Variants in ZNF609 observed in about 807,000 individuals in gnomAD.
ZNF609 encodes zinc finger protein 609.
ZNF609 carries 11 observed loss-of-function variants against 109.5 expected under a neutral mutation model. The observed-to-expected ratio is 0.10, with a 90% confidence interval of 0.06 to 0.17. ZNF609 has a LOEUF of 0.17. Ranked by LOEUF, ZNF609 falls within the 10% of genes least tolerant of loss-of-function variation. The pLI, the probability that ZNF609 is intolerant of heterozygous loss-of-function variation, is 1.00. For synonymous variants in ZNF609, 646 were observed against 662.0 expected (o/e 0.98, Z 0.37); for missense variants, 1,559 against 1,772.4 (o/e 0.88, Z 2.16).
chr15:64,652,887 G>A (rs1896439287), intron 3 of ZNF609: 1 of 153,058 alleles, frequency 6.5e-6, no homozygotes, highest in Non-Finnish European at 1.5e-5. Flanking sequence ...TGCAAGTCTG[G>A]GGCTGGTCTG....
intron 1 of ZNF609, among the ~76,000 whole-genome samples, chr15:64,473,068 A>T (rs1436377744): frequency 6.6e-6 from 1 of 152,002 alleles, no homozygotes; most frequent in Non-Finnish European, 1.5e-5. Flanking sequence ...ATTTGTTTCT[A>T]CTTGGCATAT....
intron 3 of ZNF609, among the ~76,000 whole-genome samples, chr15:64,658,712 A>G (rs78465829): frequency 0.013 from 1,988 of 151,874 alleles, 33 homozygotes; most frequent in African/African-American, 0.046. Context: ...GAGGAGGATC[A>G]CTTGAGCTTT....
intron 2 of ZNF609, among the ~76,000 whole-genome samples, chr15:64,576,005 G>C (rs1422776890): frequency 6.6e-6 from 1 of 152,166 alleles, no homozygotes; most frequent in East Asian, 1.9e-4. Flanking sequence ...GGGAGGCTGA[G>C]GCAGGAGAAT....
intron 1 of ZNF609, among the ~76,000 whole-genome samples, chr15:64,485,871 A>G (rs1028011344): frequency 2.0e-5 from 3 of 152,210 alleles, no homozygotes; most frequent in Non-Finnish European, 4.4e-5. Context: ...ACATCTTGCT[A>G]AAGTACAATA....
intron 1 of ZNF609, chr15:64,470,488 A>T (rs762428142): frequency 6.6e-6 from 1 of 152,080 alleles, no homozygotes; most frequent in Non-Finnish European, 1.5e-5. Context: ...GAACTTTCAG[A>T]TTGAGAGTAA....
intron 3 of ZNF609, among the ~76,000 whole-genome samples, chr15:64,665,948 T>C (rs1205190813): frequency 6.8e-6 from 1 of 146,202 alleles, no homozygotes; most frequent in Non-Finnish European, 1.5e-5. Context: ...AAAAAATAAA[T>C]AAACAAATGC....
At chr15:64,539,876 A>C (rs1402496193) in intron 2 of ZNF609, among the ~76,000 whole-genome samples, 2 of 151,172 alleles carry the variant, frequency 1.3e-5, no homozygotes, top group Non-Finnish European at 2.9e-5. Flanking sequence ...ACCCCAGATG[A>C]TCAGCCCGCC....
intron 2 of ZNF609, among the ~76,000 whole-genome samples, chr15:64,534,682 C>A (rs551340993): frequency 6.6e-6 from 1 of 152,192 alleles, no homozygotes; most frequent in Non-Finnish European, 1.5e-5. Context: ...CCACCTCCAT[C>A]CCTAATCTCT....
chr15:64,578,113 A>AT (rs1430237333), intron 2 of ZNF609, among the ~76,000 whole-genome samples: 1 of 151,912 alleles, frequency 6.6e-6, no homozygotes, highest in African/African-American at 2.4e-5. Flanking sequence ...AGATTGATAG[A>AT]TTTTTACTAA....
At chr15:64,586,053 G>A (rs1261726272) in intron 2 of ZNF609, among the ~76,000 whole-genome samples, 2 of 152,042 alleles carry the variant, frequency 1.3e-5, no homozygotes, top group Admixed American at 6.6e-5. Flanking sequence ...GGCCGGGTGC[G>A]GTGGCTCATG....
At chr15:64,567,498 AC>A (rs1047143167) in intron 2 of ZNF609, among the ~76,000 whole-genome samples, 1 of 151,976 alleles carries the variant, frequency 6.6e-6, no homozygotes, top group Admixed American at 6.6e-5. Context: ...AAAACAAAAA[AC>A]ATTCCATCTA....
chr15:64,610,187 TA>T (rs1895694496), intron 2 of ZNF609, among the ~76,000 whole-genome samples: 2 of 151,826 alleles, frequency 1.3e-5, no homozygotes, highest in South Asian at 4.2e-4. Flanking sequence ...ATTTAAAAAT[TA>T]AAAATTGAGC....
chr15:64,556,276 G>A (rs185069010), intron 2 of ZNF609, among the ~76,000 whole-genome samples: 6 of 151,992 alleles, frequency 3.9e-5, no homozygotes, highest in Non-Finnish European at 7.4e-5. Flanking sequence ...GAGTACAGGC[G>A]TGAGCCACTA....
At chr15:64,586,435 C>G (rs1895198004) in intron 2 of ZNF609, among the ~76,000 whole-genome samples, 1 of 152,078 alleles carries the variant, frequency 6.6e-6, no homozygotes, top group African/African-American at 2.4e-5. Context: ...TGTTAGGAAC[C>G]TGGTCGCACA....
At chr15:64,484,668 T>A (rs1447576974) in intron 1 of ZNF609, among the ~76,000 whole-genome samples, 32 of 68,350 alleles carry the variant, frequency 4.7e-4, no homozygotes, top group Non-Finnish European at 8.0e-4. Context: ...AGGGTGAGAC[T>A]CTGTCTCAAA....
chr15:64,523,776 A>G (rs1454244362), intron 2 of ZNF609, among the ~76,000 whole-genome samples: 1 of 151,876 alleles, frequency 6.6e-6, no homozygotes, highest in East Asian at 1.9e-4. Flanking sequence ...AAAAAAAAAG[A>G]AAAGAAAATC....
At chr15:64,538,468 C>T (rs1894190572) in intron 2 of ZNF609, among the ~76,000 whole-genome samples, 1 of 152,166 alleles carries the variant, frequency 6.6e-6, no homozygotes, top group Admixed American at 6.5e-5. Flanking sequence ...GTAAATTTGT[C>T]CATAGGCAGA....
At chr15:64,512,953 C>G (rs953064084) in intron 2 of ZNF609, among the ~76,000 whole-genome samples, 20 of 151,944 alleles carry the variant, frequency 1.3e-4, no homozygotes, top group African/African-American at 4.4e-4. Flanking sequence ...CAAACTCATA[C>G]TAGAAAACAT....
intron 2 of ZNF609, among the ~76,000 whole-genome samples, chr15:64,506,319 C>G (rs1157439285): frequency 6.6e-6 from 1 of 150,740 alleles, no homozygotes; most frequent in Admixed American, 6.6e-5. Flanking sequence ...GACAGGGTTT[C>G]GTTGTGTTGG....
Sources: gnomAD v4.1 joint callset for allele counts (sites outside exome capture counted in the v4.1 genomes callset) on GRCh38, gnomAD v4.1.1 for gene constraint, MANE v1.5 for transcripts, NCBI Gene and HGNC (gene_info 2026-07-23, HGNC 2026-07-21) for gene names.